Variants in TRPM4 observed in about 807,000 individuals in gnomAD.
The protein encoded by TRPM4 is calcium-activated non-selective cation channel 1.
TRPM4 carries 124 observed loss-of-function variants against 135.6 expected under a neutral mutation model. The observed-to-expected ratio is 0.91, with a 90% confidence interval of 0.79 to 1.06. TRPM4 has a LOEUF of 1.06. Among genes scored for constraint, TRPM4 ranks in the 50% least tolerant of loss-of-function variants. TRPM4 has a pLI of 0.00. For synonymous variants in TRPM4, 745 were observed against 705.6 expected, an observed-to-expected ratio of 1.06 and a Z score of -0.88; for missense variants, 1,658 against 1,671.4, an observed-to-expected ratio of 0.99 and a Z score of 0.14.
intron 9 of TRPM4, among the ~76,000 whole-genome samples, chr19:49,174,519 G>C (rs1191422157): frequency 6.6e-6 from 1 of 151,832 alleles, no homozygotes; most frequent in Non-Finnish European, 1.5e-5. Context: ...TCAGCACTTT[G>C]GGAGGCTGAG....
chr19:49,158,289 G>T, intron 2 of TRPM4, 30 bp downstream of exon 2: 1 of 1,607,396 alleles, frequency 6.2e-7, no homozygotes, highest in Non-Finnish European at 8.5e-7. Flanking sequence ...ACTGACCCCA[G>T]AGGGTCCGCG....
At position 49,210,743 on chromosome 19, in the gene TRPM4, T is replaced by G. The variant is rs1185710072; in HGVS notation, c.3362T>G (p.Leu1121Arg). 3 of 1,614,144 alleles carry G rather than the reference T, an allele frequency of 1.9e-6. No homozygotes were observed. Among genetic ancestry groups the G allele is most frequent in the African/African-American group, 1.3e-5 (1 of 75,058 alleles). The change falls in exon 22 of 25, where the codon CTG (leucine) becomes CGG (arginine). Residue 1121 changes from leucine (L) to arginine (R), a missense_variant. Physicochemically the swap from Leu to Arg is moderately radical, Grantham distance 102. This residue lies in a region of TRPM4 where 1,412 missense variants were observed against 1,408.7 expected (regional missense o/e 1.00). Transcript: ENST00000252826. This position sits in a 1 kb window ranked among gnomAD's most constrained non-coding sequence, Gnocchi z 4.1. ...CTTTCTAAGGAAGCCGAGCGGAAGC[T>G]GCTAACGTGGGAATCGGTGCATAAG... Reference protein sequence around the residue: ...VYLSKEAERKLLTWESVHKEN... With the variant: ...VYLSKEAERKRLTWESVHKEN...
intron 11 of TRPM4, 52 bp downstream of exon 11, chr19:49,182,974 G>C (rs1461200498): frequency 6.3e-7 from 1 of 1,591,138 alleles, no homozygotes. Context: ...GGACCTGGGG[G>C]CGGGATTACA....
intron 16 of TRPM4, among the ~76,000 whole-genome samples, chr19:49,194,771 C>G (rs1394313965): frequency 7.7e-6 from 1 of 129,520 alleles, no homozygotes; most frequent in African/African-American, 2.9e-5. Flanking sequence ...ACCCTTCCTT[C>G]CTCCCTTCTG....
chr19:49,206,890 C>T (rs79526735), intron 20 of TRPM4, among the ~76,000 whole-genome samples: 8,482 of 152,220 alleles, frequency 0.056, 706 homozygotes, highest in African/African-American at 0.17. Flanking sequence ...TAACTTTATT[C>T]CTAGGTGCTT....
Position 49,180,028 on chromosome 19 carries a change from G to A in TRPM4, c.1151-1321G>A, listed in dbSNP as rs146569557. Among the ~76,000 whole-genome samples the A allele has an allele frequency of 2.0e-3, 297 of 152,254 alleles. 1 individual carries two copies. Among genetic ancestry groups the A allele is most frequent in the Admixed American group, 5.2e-3 (79 of 15,284 alleles). On this transcript the variant is annotated intron_variant, in intron 9 of 24. Coordinates refer to ENST00000252826, the MANE Select transcript of TRPM4 (RefSeq NM_017636.4). ...GTCACTCAGTTGGTACTGGTGGACC[G>A]GGGACTGGAACCCACGTCTGCCTGC...
chr19:49,158,476 C>T (rs1009244920), intron 2 of TRPM4: 24 of 586,882 alleles, frequency 4.1e-5, no homozygotes, highest in Admixed American at 6.0e-5. Flanking sequence ...TCAGTGTAGA[C>T]GCTCCAGGGC....
Position 49,211,576 on chromosome 19 carries a change from C to T in TRPM4, c.*78C>T. 1 of 1,582,360 alleles carries T rather than the reference C, an allele frequency of 6.3e-7. No individual in the cohort carries two copies. On this transcript the variant is annotated 3_prime_UTR_variant, in exon 25 of 25. Coordinates refer to ENST00000252826, the MANE Select transcript of TRPM4 (RefSeq NM_017636.4). The surrounding 1 kb of genome is among the most constrained non-coding windows in gnomAD (Gnocchi z 4.8). The stretch of plus-strand genomic sequence containing the variant: ...AGTAAGGCTCATCTGGGCCTCGGCC[C>T]CCGCACCTGGTGGCCTTGTCCTTGA...
intron 3 of TRPM4, 44 bp downstream of exon 3, chr19:49,166,259 G>A (rs1401962739): frequency 6.5e-7 from 1 of 1,541,642 alleles, no homozygotes; most frequent in South Asian, 1.2e-5. Context: ...CCAGGGGGCT[G>A]CATGCTCGGG....
At position 49,200,324 on chromosome 19, in the gene TRPM4, G is replaced by C. The variant is rs1331007369; in HGVS notation, c.2670G>C (p.Leu890=). The part of the protein sequence containing the change: ...GCRLTPGLYH[L]GRTVLCIDFM... ...GGCTGACCCCGGGTTTGTACCACCTGGGCCGCACTGTCCTCTGCATCGACT... is the reference window on the plus strand; with the variant it reads ...GGCTGACCCCGGGTTTGTACCACCTCGGCCGCACTGTCCTCTGCATCGACT... The change falls in exon 18 of 25, where the codon CTG becomes CTC. Residue 890 remains leucine (L), a synonymous_variant. Coordinates refer to ENST00000252826, the MANE Select transcript of TRPM4 (RefSeq NM_017636.4). 6.2e-7 allele frequency: 1 copy of C among 1,614,102 alleles called. No individual in the cohort carries two copies. Among genetic ancestry groups the C allele is most frequent in the East Asian group, 2.2e-5 (1 of 44,878 alleles).
chr19:49,182,448 CCACCCATCCATCCAT>C, intron 10 of TRPM4, 115 bp from the exon 11 acceptor site: 3 of 730,802 alleles, frequency 4.1e-6, no homozygotes, highest in Non-Finnish European at 4.7e-6. Context: ...ATCCATCCAT[CCACCCATCCATCCAT>C]CCATCCATCC....
At position 49,171,971 on chromosome 19, in the gene TRPM4, G is replaced by A. The variant is rs752950706; in HGVS notation, c.1051-38G>A. The stretch of plus-strand genomic sequence containing the variant: ...ACAGGGCCCAACAGGAGTTGGGGAT[G>A]GAGGCGGGCTAGGGATGCAGAACTG... On this transcript the variant is annotated intron_variant, in intron 8 of 24. Transcript: ENST00000252826. This position sits in a 1 kb window ranked among gnomAD's most constrained non-coding sequence, Gnocchi z 4.7. The A allele has an allele frequency of 6.4e-6, 10 of 1,567,562 alleles. No homozygotes were observed. Among genetic ancestry groups the A allele is most frequent in the Non-Finnish European group, 8.8e-6 (10 of 1,137,928 alleles).
chr19:49,181,145 A>G (rs1016411661), intron 9 of TRPM4, among the ~76,000 whole-genome samples: 7 of 152,122 alleles, frequency 4.6e-5, no homozygotes, highest in Non-Finnish European at 1.0e-4. Flanking sequence ...GGGGCTGTAA[A>G]CCAGTGGTCT....
At chr19:49,209,743 C>CTTTT (rs780991215) in intron 20 of TRPM4, among the ~76,000 whole-genome samples, 53 of 105,852 alleles carry the variant, frequency 5.0e-4, no homozygotes, top group Non-Finnish European at 6.2e-4. Flanking sequence ...TCTAAACTGA[C>CTTTT]TTTTTTTTTT....
chr19:49,160,257 G>A (rs999574146), intron 2 of TRPM4, among the ~76,000 whole-genome samples: 17 of 152,322 alleles, frequency 1.1e-4, no homozygotes, highest in African/African-American at 3.6e-4. Context: ...CTGGGAGGCC[G>A]AGGCGGGTGG....
At chr19:49,176,918 G>A (rs1400866240) in intron 9 of TRPM4, among the ~76,000 whole-genome samples, 2 of 152,052 alleles carry the variant, frequency 1.3e-5, no homozygotes, top group African/African-American at 4.8e-5. Context: ...TGAGGAAGCA[G>A]CTTCCCCTCT....
intron 20 of TRPM4, among the ~76,000 whole-genome samples, chr19:49,205,270 T>G (rs1319863567): frequency 1.3e-5 from 2 of 152,138 alleles, no homozygotes; most frequent in Non-Finnish European, 2.9e-5. Context: ...GGAGAGTCTG[T>G]TCCATGCCCC....
rs74490841 is a variant in TRPM4 at position 49,195,251 on chromosome 19, G to T, written c.2211-1189G>T. Reference sequence around the variant, plus strand: ...AGAAACTCTGTACATGCTTAGCACTGCTTTTCGTTTTCCCAGCCCTAGGCC... The same window carrying T: ...AGAAACTCTGTACATGCTTAGCACTTCTTTTCGTTTTCCCAGCCCTAGGCC... On this transcript the variant is annotated intron_variant, in intron 16 of 24. Coordinates refer to ENST00000252826, the MANE Select transcript of TRPM4 (RefSeq NM_017636.4). Among the ~76,000 whole-genome samples the T allele has an allele frequency of 6.2e-3, 941 of 152,236 alleles. 8 individuals are homozygous for T. Among genetic ancestry groups the T allele is most frequent in the African/African-American group, 0.021 (891 of 41,556 alleles).
chr19:49,196,701 G>GAA lies in TRPM4; in HGVS notation c.2472_2473insAA (p.Leu825AsnfsTer10). On this transcript the variant is annotated frameshift_variant, in exon 17 of 25. Coordinates refer to ENST00000252826, the MANE Select transcript of TRPM4 (RefSeq NM_017636.4). LOFTEE classifies it high-confidence loss of function. ...TGCTCTATTTCTGGGCTTTCACGCT[G>GAA]CTGTGCGAGGAACTGCGCCAGGGCC... 6.4e-7 allele frequency: 1 copy of GAA among 1,551,626 alleles called. No individual in the cohort carries two copies. The highest frequency in any genetic ancestry group is 8.7e-7 in the Non-Finnish European group (1 of 1,154,488).
Sources: gnomAD v4.1 joint callset for allele counts (sites outside exome capture counted in the v4.1 genomes callset) on GRCh38, gnomAD v4.1.1 for gene constraint, gnomAD v4.1.1 regional missense constraint, Gnocchi (gnomAD v3.1) non-coding constraint, MANE v1.5 for transcripts, NCBI Gene and HGNC (gene_info 2026-07-23, HGNC 2026-07-21) for gene names.